PLEKHA6: variants seen among roughly 807,000 people sequenced by gnomAD.
The protein encoded by PLEKHA6 is pleckstrin homology domain containing A6.
PLEKHA6 carries 60 observed loss-of-function variants against 116.7 expected under a neutral mutation model. The ratio of observed to expected loss-of-function variants is 0.51; its 90% CI spans 0.42 to 0.64. The LOEUF (loss-of-function observed/expected upper bound fraction) is 0.64, where lower values mean the gene tolerates loss of function less well. Ranked by LOEUF, PLEKHA6 falls within the 30% of genes least tolerant of loss-of-function variation. PLEKHA6 has a pLI of 0.00. For missense variants in PLEKHA6, 1,338 were observed against 1,422.7 expected, an observed-to-expected ratio of 0.94 and a Z score of 0.96; for synonymous variants, 489 against 556.1, an observed-to-expected ratio of 0.88 and a Z score of 1.70.
intron 1 of PLEKHA6, among the ~76,000 whole-genome samples, chr1:204,333,581 G>A (rs1392081580): frequency 6.6e-6 from 1 of 152,166 alleles, no homozygotes; most frequent in Non-Finnish European, 1.5e-5. Flanking sequence ...AGCTCAAAGG[G>A]GATAGTGAAT....
rs1663871272 is a variant in PLEKHA6, at chr1:204,247,472, A to T, written c.1825-12T>A. 1.3e-6 allele frequency: 2 copies of T among 1,574,434 alleles called. No individual in the cohort carries two copies. Among genetic ancestry groups the T allele is most frequent in the Non-Finnish European group, 1.7e-6 (2 of 1,145,942 alleles). On this transcript the variant is annotated splice_polypyrimidine_tract_variant and intron_variant, in intron 12 of 22. Transcript: ENST00000272203. ...CTGTTTGTCAGGGCCTACGGGGGAA[A>T]GAGGCGTTCACTGAGAAAGCCGCCA... is the stretch of plus-strand genomic sequence containing the variant.
chr1:204,278,245 C>A (rs1276735665), intron 1 of PLEKHA6, among the ~76,000 whole-genome samples: 1 of 152,230 alleles, frequency 6.6e-6, no homozygotes, highest in Non-Finnish European at 1.5e-5. Flanking sequence ...TCCAATCAAT[C>A]CTCATTAAGT....
intron 3 of PLEKHA6, among the ~76,000 whole-genome samples, chr1:204,272,235 G>A (rs906051091): frequency 2.6e-5 from 4 of 151,964 alleles, no homozygotes; most frequent in Admixed American, 1.3e-4. Flanking sequence ...AGCCTCACAC[G>A]CCTTTTTTAA....
At chr1:204,343,738 G>C (rs1201283578) in intron 1 of PLEKHA6, among the ~76,000 whole-genome samples, 2 of 152,172 alleles carry the variant, frequency 1.3e-5, no homozygotes, top group East Asian at 1.9e-4. Context: ...GTCACTGGGG[G>C]CTTTCAAGCA....
intron 1 of PLEKHA6, among the ~76,000 whole-genome samples, chr1:204,322,739 C>T (rs1572179333): frequency 1.3e-5 from 2 of 152,222 alleles, no homozygotes; most frequent in Non-Finnish European, 2.9e-5. Context: ...CCACATTCCC[C>T]CAACCAAGTG....
intron 1 of PLEKHA6, among the ~76,000 whole-genome samples, chr1:204,291,785 A>C (rs936067531): frequency 6.6e-6 from 1 of 152,158 alleles, no homozygotes; most frequent in South Asian, 2.1e-4. Context: ...GGGTGGAGGG[A>C]GGGATTACAA....
At chr1:204,282,852 G>C in intron 1 of PLEKHA6, 1 of 968,138 alleles carries the variant, frequency 1.0e-6, no homozygotes, top group Non-Finnish European at 1.2e-6. Context: ...CTACAGCTCT[G>C]GGTTTTCCTC....
At chr1:204,250,343 AG>A (rs1664364689) in intron 10 of PLEKHA6, among the ~76,000 whole-genome samples, 1 of 144,522 alleles carries the variant, frequency 6.9e-6, no homozygotes, top group Non-Finnish European at 1.6e-5. Context: ...TCAGAAAAGA[AG>A]GGGGATGAGG....
chr1:204,309,958 G>A (rs1671597320), intron 1 of PLEKHA6, among the ~76,000 whole-genome samples: 1 of 152,218 alleles, frequency 6.6e-6, no homozygotes, highest in Non-Finnish European at 1.5e-5. Context: ...GTGTGGCTAT[G>A]TTTCAATAAA....
intron 4 of PLEKHA6, 93 bp downstream of exon 4, chr1:204,268,115 A>G (rs1667038402): frequency 1.0e-5 from 8 of 774,236 alleles, no homozygotes; most frequent in Non-Finnish European, 1.7e-5. Context: ...GACATACCAA[A>G]AAAATACACA....
rs756635190 is a variant in PLEKHA6, at chr1:204,241,727, T to C, written c.2260A>G (p.Arg754Gly). Residue 754 changes from arginine (R) to glycine (G), a missense_variant, in exon 16 of 23, where the codon AGG becomes GGG. Arg to Gly is a moderately radical substitution (Grantham distance 125). Around this residue, in one of 3 missense-constraint regions of PLEKHA6, gnomAD observed 1,136 missense variants for 1,163.6 expected, o/e 0.98. Transcript: ENST00000272203. ...TPRDISLVPT[R>G]QEVEAEKQAA... ...TGCTTCTCTGCCTCTACCTCTTGCC[T>C]GGTGGGCACAAGGCTGATGTCTCTG... 4 of 1,611,024 alleles carry C rather than the reference T, an allele frequency of 2.5e-6. No homozygotes were observed. In the African/African-American group the frequency reaches 5.4e-5, roughly 22 times the overall value.
intron 1 of PLEKHA6, chr1:204,347,283 A>C: frequency 1.1e-6 from 1 of 916,588 alleles, no homozygotes; most frequent in African/African-American, 1.7e-5. Flanking sequence ...GGAAGATGGC[A>C]GTTATGGCCG....
chr1:204,330,525 A>T (rs983828692), intron 1 of PLEKHA6, among the ~76,000 whole-genome samples: 2 of 152,206 alleles, frequency 1.3e-5, no homozygotes, highest in African/African-American at 2.4e-5. Flanking sequence ...GACCCTACAG[A>T]TTAGGAGTAA....
chr1:204,297,496 G>A (rs1392991314), intron 1 of PLEKHA6, among the ~76,000 whole-genome samples: 3 of 152,102 alleles, frequency 2.0e-5, no homozygotes, highest in Non-Finnish European at 2.9e-5. Flanking sequence ...GAGAGAAAAG[G>A]AAGGATGGCT....
intron 1 of PLEKHA6, among the ~76,000 whole-genome samples, chr1:204,351,881 A>G (rs1175995850): frequency 6.6e-6 from 1 of 152,200 alleles, no homozygotes; most frequent in African/African-American, 2.4e-5. Flanking sequence ...AAGTTTCACC[A>G]TGCCCAACAT....
In PLEKHA6 at chr1:204,257,455, G is replaced by T; in HGVS notation, c.1422C>A (p.Val474=). Residue 474 remains valine (V), a synonymous_variant, in exon 9 of 23, where the codon GTC becomes GTA. Coordinates refer to ENST00000272203, the MANE Select transcript of PLEKHA6 (RefSeq NM_014935.5). The surrounding 1 kb of genome is among the most constrained non-coding windows in gnomAD (Gnocchi z 6.5). The stretch of plus-strand genomic sequence containing the variant: ...GCTCAAAACGGGCACTGGGTGAGCG[G>T]ACAGGGGAGTAAATGCGGGCACGGC... ...SYSRARIYSP[V]RSPSARFERL... 6.4e-7 allele frequency: 1 copy of T among 1,570,890 alleles called. No homozygotes were observed. The highest frequency in any genetic ancestry group is 8.6e-7 in the Non-Finnish European group (1 of 1,156,812).
In PLEKHA6 at chr1:204,261,312, C is replaced by T. The variant is rs779692794; in HGVS notation, c.518G>A (p.Arg173Gln). Residue 173 changes from arginine to glutamine, a missense_variant, in exon 7 of 23, where the codon CGG becomes CAG. Arg to Gln is a conservative substitution (Grantham distance 43, BLOSUM62 1). Coordinates refer to ENST00000272203, the MANE Select transcript of PLEKHA6 (RefSeq NM_014935.5). This position sits in a 1 kb window ranked among gnomAD's most constrained non-coding sequence, Gnocchi z 4.0. The stretch of plus-strand genomic sequence containing the variant: ...TCAATTCCCTGGCACTCACCTGTGC[C>T]GCACAGCTTGGGGCACTGACTTCTG... ...PAQKSVPQAV[R>Q]HSHEKPDSEN... is the part of the protein sequence containing the mutation. 6.2e-6 allele frequency: 10 copies of T among 1,614,052 alleles called. No individual in the cohort carries two copies. Among genetic ancestry groups the T allele is most frequent in the South Asian group, 2.2e-5 (2 of 91,076 alleles).
chr1:204,365,841 G>A (rs1673636982), intron 3 of PLEKHA6, among the ~76,000 whole-genome samples: 1 of 152,172 alleles, frequency 6.6e-6, no homozygotes, highest in Non-Finnish European at 1.5e-5. Flanking sequence ...TTCAGGTAGT[G>A]CCAGGTGCTG....
chr1:204,288,102 C>T (rs534279421), intron 1 of PLEKHA6, among the ~76,000 whole-genome samples: 96 of 152,300 alleles, frequency 6.3e-4, no homozygotes, highest in African/African-American at 2.2e-3. Flanking sequence ...ACCACTTACT[C>T]ACCGGCTCTT....
Sources: allele counts gnomAD v4.1 joint callset (sites outside exome capture counted in the v4.1 genomes callset), GRCh38; gene constraint gnomAD v4.1.1; regional missense constraint gnomAD v4.1.1; non-coding constraint Gnocchi (gnomAD v3.1); transcripts MANE v1.5; gene names NCBI Gene and HGNC (gene_info 2026-07-23, HGNC 2026-07-21).